BCAT1: variants seen among roughly 807,000 people sequenced by gnomAD.
BCAT1 encodes the protein branched-chain-amino-acid aminotransferase, cytosolic.
BCAT1 carries 48 observed loss-of-function variants against 52.4 expected under a neutral mutation model. That is an observed-to-expected ratio of 0.92 (90% CI 0.73 to 1.16). BCAT1 has a LOEUF of 1.16. Among genes scored for constraint, BCAT1 ranks in the 50% most tolerant of loss-of-function variants. The probability of loss-of-function intolerance (pLI) is 0.00; values close to 1 mark genes in which losing one functional copy is unlikely to be tolerated. For missense variants in BCAT1, 451 were observed against 457.1 expected (o/e 0.99, Z 0.12); for synonymous variants, 167 against 161.3 (o/e 1.04, Z -0.27).
intron 1 of BCAT1, 63 bp from the exon 2 acceptor site, chr12:24,901,948 C>G: frequency 6.2e-7 from 1 of 1,612,844 alleles, no homozygotes; most frequent in Non-Finnish European, 8.5e-7. Context: ...CCGGGGTAAC[C>G]TACGTGACGC....
intron 8 of BCAT1, among the ~76,000 whole-genome samples, chr12:24,836,260 A>G (rs987100950): frequency 4.6e-5 from 7 of 152,218 alleles, no homozygotes; most frequent in African/African-American, 7.2e-5. Flanking sequence ...GACTGAGACT[A>G]CTACTAGAAT....
intron 1 of BCAT1, 116 bp downstream of exon 1, chr12:24,948,811 A>G: frequency 8.8e-7 from 1 of 1,140,252 alleles, no homozygotes; most frequent in Non-Finnish European, 1.3e-6. Context: ...CGGGGGATAT[A>G]AGCCATGGTT....
At chr12:24,887,800 C>T (rs1942727101) in intron 3 of BCAT1, among the ~76,000 whole-genome samples, 1 of 152,148 alleles carries the variant, frequency 6.6e-6, no homozygotes, top group Non-Finnish European at 1.5e-5. Context: ...ATCCGCGTTC[C>T]CTACTCGCAG....
At chr12:24,926,602 G>A (rs1943591876) in intron 1 of BCAT1, among the ~76,000 whole-genome samples, 1 of 152,184 alleles carries the variant, frequency 6.6e-6, no homozygotes, top group African/African-American at 2.4e-5. Flanking sequence ...ACTCCATTTT[G>A]TTCTGTACTA....
At chr12:24,901,970 C>T in intron 1 of BCAT1, 85 bp from the exon 2 acceptor site, 2 of 1,610,022 alleles carry the variant, frequency 1.2e-6, no homozygotes, top group Non-Finnish European at 1.7e-6. Context: ...CACCATGATA[C>T]CGTGCGCTCC....
At chr12:24,946,314 G>A (rs1436961891) in intron 1 of BCAT1, among the ~76,000 whole-genome samples, 1 of 152,078 alleles carries the variant, frequency 6.6e-6, no homozygotes, top group Non-Finnish European at 1.5e-5. Flanking sequence ...AAAACAATTG[G>A]AATGTCAGCC....
intron 10 of BCAT1, among the ~76,000 whole-genome samples, chr12:24,820,939 A>C (rs1940097066): frequency 6.6e-6 from 1 of 152,190 alleles, no homozygotes; most frequent in East Asian, 1.9e-4. Context: ...ACCAGGTAGC[A>C]ATCTGTCATT....
chr12:24,874,821 C>T (rs1591828604), intron 5 of BCAT1, among the ~76,000 whole-genome samples: 1 of 152,206 alleles, frequency 6.6e-6, no homozygotes, highest in East Asian at 1.9e-4. Flanking sequence ...AACTACCATA[C>T]CAGGGAATAG....
rs1361437288 is a variant in BCAT1 at position 24,814,435 on chromosome 12, G to C, written c.*3573C>G. The C allele has an allele frequency of 6.9e-6, 1 of 144,048 alleles. No individual in the cohort carries two copies. Among genetic ancestry groups the C allele is most frequent in the Non-Finnish European group, 1.5e-5 (1 of 66,072 alleles). 8.9% of individuals were successfully genotyped at this position (144,048 alleles called of 1,614,324 possible). A position where few individuals can be genotyped will look rare whatever the true frequency, so the allele number is the denominator to read the frequency against. ...CAACTTGAAAAAAAAAAAGGAAACA[G>C]AATATAGTGACTGAGCACTGAGTGG... On this transcript the variant is annotated 3_prime_UTR_variant, in exon 11 of 11. Coordinates refer to ENST00000261192, the MANE Select transcript of BCAT1 (RefSeq NM_005504.7).
intron 1 of BCAT1, chr12:24,945,587 C>T (rs929332894): frequency 3.9e-5 from 6 of 152,322 alleles, no homozygotes; most frequent in African/African-American, 1.4e-4. Context: ...AATCCCAGCA[C>T]TTTGGGAGGC....
intron 1 of BCAT1, among the ~76,000 whole-genome samples, chr12:24,917,439 C>T (rs908094308): frequency 6.6e-6 from 1 of 152,190 alleles, no homozygotes; most frequent in Non-Finnish European, 1.5e-5. Flanking sequence ...GCCTTGGCCT[C>T]CCAAAGTGCT....
chr12:24,827,069 A>C (rs958806484), intron 10 of BCAT1, among the ~76,000 whole-genome samples: 1 of 152,180 alleles, frequency 6.6e-6, no homozygotes, highest in Non-Finnish European at 1.5e-5. Context: ...GTGTAAGATA[A>C]TGTCATCTGC....
At position 24,885,174 on chromosome 12, in the gene BCAT1, T is replaced by C. The variant is rs188861519; in HGVS notation, c.280-3763A>G. The stretch of plus-strand genomic sequence containing the variant: ...AACATAGATGATATGATTACAGAGA[T>C]AGAGAACACAGAAAATCTGACAGAT... On this transcript the variant is annotated intron_variant, in intron 3 of 10. Coordinates refer to ENST00000261192, the MANE Select transcript of BCAT1 (RefSeq NM_005504.7). Among the ~76,000 whole-genome samples, 528 of 152,270 alleles carry C rather than the reference T, an allele frequency of 3.5e-3. 1 individual carries two copies. Among genetic ancestry groups the C allele is most frequent in the Non-Finnish European group, 6.0e-3 (407 of 67,988 alleles).
Position 24,815,657 on chromosome 12 carries a change from GA to G in BCAT1, c.*2350del, listed in dbSNP as rs1451354969. 1.3e-5 allele frequency: 2 copies of G among 152,136 alleles called. No homozygotes were observed. The allele number at this position is 152,136 out of a possible 1,614,324, so 9.4% of individuals were successfully genotyped here. Reference sequence around the variant, plus strand: ...TCTTATTACTTAAATGACAATGGTGGATTGTGTTCTCCTTATCAGGAGACCT... The same window carrying G: ...TCTTATTACTTAAATGACAATGGTGGTTGTGTTCTCCTTATCAGGAGACCT... On this transcript the variant is annotated 3_prime_UTR_variant, in exon 11 of 11. Coordinates refer to ENST00000261192, the MANE Select transcript of BCAT1 (RefSeq NM_005504.7).
intron 5 of BCAT1, among the ~76,000 whole-genome samples, chr12:24,870,022 G>T (rs1225242501): frequency 6.6e-6 from 1 of 152,020 alleles, no homozygotes; most frequent in Non-Finnish European, 1.5e-5. Flanking sequence ...GTGTGTGTGT[G>T]TGTATTTCTG....
chr12:24,866,914 C>G (rs1372389301), intron 5 of BCAT1, among the ~76,000 whole-genome samples: 1 of 152,142 alleles, frequency 6.6e-6, no homozygotes, highest in Admixed American at 6.6e-5. Context: ...GGGTCCCCTT[C>G]CATACTGTGG....
rs1300109511 is a variant in BCAT1, at chr12:24,936,713, T to TCG, written c.6+12213_6+12214insCG. Among the ~76,000 whole-genome samples, 166 of 64,060 alleles carry TCG rather than the reference T, an allele frequency of 2.6e-3. 1 individual carries two copies. The highest frequency in any genetic ancestry group is 0.011 in the African/African-American group (152 of 14,076). 42.0% of individuals were successfully genotyped at this position (64,060 alleles called of 152,430 possible). A position where few individuals can be genotyped will look rare whatever the true frequency, so the allele number is the denominator to read the frequency against. ...AGTAATGGAGCTCTTTAAATCTCAA[T>TCG]CTCTCTCTCTCACACACACACACAC... On this transcript the variant is annotated intron_variant, in intron 1 of 10. Transcript: ENST00000261192.
intron 1 of BCAT1, among the ~76,000 whole-genome samples, chr12:24,938,222 A>G (rs1943795218): frequency 6.6e-6 from 1 of 152,160 alleles, no homozygotes; most frequent in Admixed American, 6.5e-5. Context: ...ATGTGGAAAC[A>G]GTACTGGGCA....
At chr12:24,823,623 G>C (rs1940246235) in intron 10 of BCAT1, among the ~76,000 whole-genome samples, 1 of 152,142 alleles carries the variant, frequency 6.6e-6, no homozygotes, top group Non-Finnish European at 1.5e-5. Flanking sequence ...CCCCCTTGCT[G>C]TTCTCATGAT....
Sources: gnomAD v4.1 joint callset for allele counts (sites outside exome capture counted in the v4.1 genomes callset) on GRCh38, gnomAD v4.1.1 for gene constraint, MANE v1.5 for transcripts, NCBI Gene and HGNC (gene_info 2026-07-23, HGNC 2026-07-21) for gene names.